Variants in ERBB4 observed in about 807,000 individuals in gnomAD.
ERBB4 encodes the protein receptor tyrosine-protein kinase erbB-4.
ERBB4 carries 42 observed loss-of-function variants against 158.0 expected under a neutral mutation model. That is an observed-to-expected ratio of 0.27 (90% CI 0.21 to 0.34). The LOEUF (loss-of-function observed/expected upper bound fraction) is 0.34, where lower values mean the gene tolerates loss of function less well. Ranked by LOEUF, ERBB4 falls within the 10% of genes least tolerant of loss-of-function variation. ERBB4 has a pLI of 1.00. For synonymous variants in ERBB4, 583 were observed against 558.7 expected, an observed-to-expected ratio of 1.04 and a Z score of -0.61; for missense variants, 1,333 against 1,624.1, an observed-to-expected ratio of 0.82 and a Z score of 3.08.
At chr2:211,994,037 A>G (rs1373701939) in intron 2 of ERBB4, among the ~76,000 whole-genome samples, 1 of 152,054 alleles carries the variant, frequency 6.6e-6, no homozygotes, top group Non-Finnish European at 1.5e-5. Context: ...ACATATGTAC[A>G]TTATTTTAAT....
chr2:212,475,314 A>C (rs1689331283), intron 1 of ERBB4, among the ~76,000 whole-genome samples: 2 of 151,936 alleles, frequency 1.3e-5, no homozygotes, highest in African/African-American at 4.8e-5. Context: ...GAAGCTCTGC[A>C]TTTTCTTGCA....
chr2:212,056,613 A>G (rs895822778), intron 2 of ERBB4, among the ~76,000 whole-genome samples: 8 of 152,180 alleles, frequency 5.3e-5, no homozygotes, highest in African/African-American at 1.7e-4. Flanking sequence ...AAGAGAGTGG[A>G]GACCAATATT....
In ERBB4 at chr2:211,867,891, A is replaced by G. The variant is rs113055582; in HGVS notation, c.421+79539T>C. Among the ~76,000 whole-genome samples, 12 of 152,304 alleles carry G rather than the reference A, an allele frequency of 7.9e-5. 2 individuals carry two copies. The highest frequency in any genetic ancestry group is 2.6e-4 in the African/African-American group (11 of 41,572). The stretch of plus-strand genomic sequence containing the variant: ...AATCCATCCACAGTAATTAATCTCT[A>G]TGACTGAGGACTTTAACTGCTTTCC... On this transcript the variant is annotated intron_variant, in intron 3 of 27. Transcript: ENST00000342788.
chr2:212,213,224 A>G (rs2082993404), intron 1 of ERBB4, among the ~76,000 whole-genome samples: 2 of 151,520 alleles, frequency 1.3e-5, no homozygotes, highest in Middle Eastern at 3.2e-3. Flanking sequence ...TTACAAGAAA[A>G]AAACAACCCC....
chr2:211,453,203 T>C (rs1443220468), intron 20 of ERBB4, among the ~76,000 whole-genome samples: 1 of 152,228 alleles, frequency 6.6e-6, no homozygotes, highest in Non-Finnish European at 1.5e-5. Flanking sequence ...AATTAACATC[T>C]GATTAAATAA....
chr2:212,323,808 T>C (rs1316897956), intron 1 of ERBB4, among the ~76,000 whole-genome samples: 2 of 143,420 alleles, frequency 1.4e-5, no homozygotes, highest in African/African-American at 2.4e-5. Flanking sequence ...CCCAGAAAAA[T>C]GAATATATAT....
chr2:211,679,146 C>G lies in ERBB4; in HGVS notation c.1528G>C (p.Asp510His), dbSNP rs1361402584. Reference sequence around the variant, plus strand: ...TCTGGCCCAGGTCCCCAACAGCCATCACTGGAACACAGATGGTTGCACACC... The same window carrying G: ...TCTGGCCCAGGTCCCCAACAGCCATGACTGGAACACAGATGGTTGCACACC... The part of the protein sequence containing the change: ...GMVCNHLCSS[D>H]GCWGPGPDQC... Residue 510 changes from aspartate (D) to histidine (H), a missense_variant, in exon 13 of 28, where the codon GAT (aspartate) becomes CAT (histidine). Asp to His is a moderately conservative substitution (Grantham distance 81). This residue lies in a region of ERBB4 where 245 missense variants were observed against 247.5 expected (regional missense o/e 0.99). Coordinates refer to ENST00000342788, the MANE Select transcript of ERBB4 (RefSeq NM_005235.3). 6.2e-7 allele frequency: 1 copy of G among 1,613,974 alleles called. No individual in the cohort carries two copies. The highest frequency in any genetic ancestry group is 8.5e-7 in the Non-Finnish European group (1 of 1,179,942).
chr2:211,503,188 T>G (rs911635059), intron 20 of ERBB4, among the ~76,000 whole-genome samples: 5 of 152,000 alleles, frequency 3.3e-5, no homozygotes, highest in African/African-American at 1.2e-4. Context: ...AGAGAGACCG[T>G]TTAAACCAAA....
At chr2:212,161,947 T>C (rs2081213745) in intron 1 of ERBB4, among the ~76,000 whole-genome samples, 1 of 151,890 alleles carries the variant, frequency 6.6e-6, no homozygotes, top group South Asian at 2.1e-4. Context: ...TAGCAAGTGA[T>C]GGTGAAAATC....
intron 19 of ERBB4, among the ~76,000 whole-genome samples, chr2:211,566,193 A>G (rs577102008): frequency 6.6e-6 from 1 of 152,302 alleles, no homozygotes; most frequent in African/African-American, 2.4e-5. Flanking sequence ...AACTGGTAGG[A>G]AAGATCACTG....
intron 2 of ERBB4, among the ~76,000 whole-genome samples, chr2:212,058,916 A>C (rs890163521): frequency 2.0e-5 from 3 of 152,214 alleles, no homozygotes; most frequent in Non-Finnish European, 4.4e-5. Context: ...CTCTTATTCA[A>C]CGTAGTGTTG....
intron 1 of ERBB4, among the ~76,000 whole-genome samples, chr2:212,391,608 G>C (rs1332703740): frequency 2.1e-5 from 3 of 140,418 alleles, no homozygotes; most frequent in Non-Finnish European, 4.5e-5. Context: ...ACAGCAATGT[G>C]AATATTATAT....
intron 1 of ERBB4, among the ~76,000 whole-genome samples, chr2:212,535,893 T>C (rs906618068): frequency 7.2e-5 from 11 of 152,216 alleles, no homozygotes; most frequent in East Asian, 1.9e-4. Flanking sequence ...TCTGTTCACA[T>C]AGAGCAGTAA....
intron 1 of ERBB4, among the ~76,000 whole-genome samples, chr2:212,390,312 T>C (rs1176404406): frequency 6.6e-6 from 1 of 151,864 alleles, no homozygotes; most frequent in Non-Finnish European, 1.5e-5. Flanking sequence ...AAAGAGTATG[T>C]AAATCAATTT....
chr2:211,572,399 T>C (rs2067755228), intron 19 of ERBB4, among the ~76,000 whole-genome samples: 1 of 152,226 alleles, frequency 6.6e-6, no homozygotes, highest in African/African-American at 2.4e-5. Flanking sequence ...CCTCAAGCTC[T>C]ATTCTCCACC....
intron 15 of ERBB4, among the ~76,000 whole-genome samples, chr2:211,659,213 C>T (rs1419018195): frequency 6.6e-6 from 1 of 151,998 alleles, no homozygotes; most frequent in Non-Finnish European, 1.5e-5. Context: ...TTTGTTATAA[C>T]ATTCCTGCTA....
chr2:211,866,927 C>T (rs1361692332), intron 3 of ERBB4, among the ~76,000 whole-genome samples: 1 of 150,762 alleles, frequency 6.6e-6, no homozygotes, highest in African/African-American at 2.4e-5. Context: ...TTAGAGTGCT[C>T]CCCTCCCTCT....
At chr2:211,568,417 AT>A (rs546066926) in intron 19 of ERBB4, among the ~76,000 whole-genome samples, 2 of 152,008 alleles carry the variant, frequency 1.3e-5, no homozygotes, top group African/African-American at 4.8e-5. Flanking sequence ...GAGCAATACC[AT>A]TTTTTTATAT....
rs746962249 is a variant in ERBB4 at position 211,387,105 on chromosome 2, C to T, written c.3229G>A (p.Val1077Met). 7 of 1,613,942 alleles carry T rather than the reference C, an allele frequency of 4.3e-6. No individual in the cohort carries two copies. The Admixed American group carries it at 1.2e-4, about 27-fold the overall frequency. The part of the protein sequence containing the change: ...RDGGFAAEQG[V>M]SVPYRAPTST... The stretch of plus-strand genomic sequence containing the variant: ...GTTGGGGCTCTGTAGGGCACAGACA[C>T]TCCTTGTTCAGCAGCAAAACCTCCA... Residue 1077 changes from valine to methionine, a missense_variant, in exon 27 of 28, where the codon GTG becomes ATG. Physicochemically the swap from Val to Met is conservative, Grantham distance 21. Transcript: ENST00000342788.
Sources: gnomAD v4.1 joint callset for allele counts (sites outside exome capture counted in the v4.1 genomes callset) on GRCh38, gnomAD v4.1.1 for gene constraint, gnomAD v4.1.1 regional missense constraint, MANE v1.5 for transcripts, NCBI Gene and HGNC (gene_info 2026-07-23, HGNC 2026-07-21) for gene names.